Variants in DPH6 observed in about 807,000 individuals in gnomAD.
DPH6 encodes diphthine--ammonia ligase.
DPH6 carries 33 observed loss-of-function variants against 38.2 expected under a neutral mutation model. The ratio of observed to expected loss-of-function variants is 0.86; its 90% CI spans 0.65 to 1.15. The LOEUF (loss-of-function observed/expected upper bound fraction) is 1.15, where lower values mean the gene tolerates loss of function less well. DPH6 is among the 50% of genes most tolerant of loss of function. The pLI is 0.00. For missense variants in DPH6, 325 were observed against 320.0 expected (o/e 1.02, Z -0.12); for synonymous variants, 108 against 103.0 (o/e 1.05, Z -0.30).
At chr15:35,317,454 A>G (rs1048406831) in intron 3 of DPH6, among the ~76,000 whole-genome samples, 1 of 151,122 alleles carries the variant, frequency 6.6e-6, no homozygotes, top group Admixed American at 6.6e-5. Context: ...AGAGAAAAAG[A>G]AGGAAAGAAA....
At chr15:35,214,871 G>A (rs137935427), downstream of DPH6, among the ~76,000 whole-genome samples, 31 of 152,274 alleles carry the variant, frequency 2.0e-4, no homozygotes, top group East Asian at 5.4e-3. Flanking sequence ...GCCTCCCAAA[G>A]TGCTAGGATT....
At chr15:35,485,275 T>A (rs1215930158) in intron 3 of DPH6, among the ~76,000 whole-genome samples, 1 of 152,170 alleles carries the variant, frequency 6.6e-6, no homozygotes, top group Non-Finnish European at 1.5e-5. Context: ...AAATTTAGAA[T>A]GAGAAAACCT....
chr15:35,280,003 C>T (rs1204318853), intron 3 of DPH6, among the ~76,000 whole-genome samples: 1 of 152,152 alleles, frequency 6.6e-6, no homozygotes, highest in African/African-American at 2.4e-5. Context: ...CATATGAGGA[C>T]ACAGTGAGAA....
At chr15:35,166,958 AAAG>A in the DPH6 span, among the ~76,000 whole-genome samples, 9 of 152,014 alleles carry the variant, frequency 5.9e-5, no homozygotes, top group South Asian at 6.2e-4. Context: ...GGCTCTGATT[AAAG>A]AAGAAGTCAT....
chr15:35,488,764 C>T (rs543193951), intron 3 of DPH6, among the ~76,000 whole-genome samples: 17 of 151,748 alleles, frequency 1.1e-4, no homozygotes, highest in East Asian at 3.9e-4. Context: ...ATAAAAGAGA[C>T]GAAAATGATG....
chr15:35,299,229 G>C, intron 3 of DPH6: 1 of 1,202,772 alleles, frequency 8.3e-7, no homozygotes, highest in Non-Finnish European at 1.2e-6. Context: ...TGGCACATGC[G>C]GTGGTGTGTC....
At chr15:35,453,556 C>T (rs897543199) in intron 4 of DPH6, among the ~76,000 whole-genome samples, 64 of 152,162 alleles carry the variant, frequency 4.2e-4, no homozygotes, top group African/African-American at 1.4e-3. Flanking sequence ...TTGTTCTCAA[C>T]GGTAGATCTA....
rs138170788 is a variant in DPH6, at chr15:35,487,257, C to T, written c.313-32437G>A. On this transcript the variant is annotated intron_variant, in intron 3 of 8. Transcript: ENST00000256538. Reference sequence around the variant, plus strand: ...TTCTCACAGCTCCACTAGGCAGTGCCCCAGTGGGAACTCTGGGTGGGGGTT... The same window carrying T: ...TTCTCACAGCTCCACTAGGCAGTGCTCCAGTGGGAACTCTGGGTGGGGGTT... Among the ~76,000 whole-genome samples, 926 of 152,336 alleles carry T rather than the reference C, an allele frequency of 6.1e-3. 13 individuals carry two copies. The highest frequency in any genetic ancestry group is 0.021 in the African/African-American group (880 of 41,574).
chr15:35,235,182 G>C (rs905347588), intron 3 of DPH6, among the ~76,000 whole-genome samples: 4 of 152,170 alleles, frequency 2.6e-5, no homozygotes, highest in African/African-American at 9.7e-5. Flanking sequence ...GGAGCCACTT[G>C]GGCCACAAGT....
intron 3 of DPH6, among the ~76,000 whole-genome samples, chr15:35,508,755 A>G (rs555747817): frequency 1.4e-4 from 21 of 152,326 alleles, no homozygotes; most frequent in Non-Finnish European, 2.9e-4. Context: ...CATTCTGAGA[A>G]AAATAATACC....
At chr15:35,166,433 A>T in the DPH6 span, among the ~76,000 whole-genome samples, 1 of 151,914 alleles carries the variant, frequency 6.6e-6, no homozygotes, top group African/African-American at 2.4e-5. Context: ...AACTTACATT[A>T]AATAAATTTG....
downstream of DPH6, chr15:35,365,984 G>C: frequency 1.0e-6 from 1 of 985,288 alleles, no homozygotes; most frequent in Non-Finnish European, 1.2e-6. Flanking sequence ...TAAGGGCAAA[G>C]GTGGGGAGAG....
Position 35,481,213 on chromosome 15 carries a change from C to T in DPH6, c.313-26393G>A, listed in dbSNP as rs763800998. On this transcript the variant is annotated intron_variant, in intron 3 of 8. Transcript: ENST00000256538. Reference sequence around the variant, plus strand: ...TTATATACCAGTATGTGGTATACCGCATTCTACAGCAGAGCTTTAGACCCA... The same window carrying T: ...TTATATACCAGTATGTGGTATACCGTATTCTACAGCAGAGCTTTAGACCCA... 3.3e-5 allele frequency among the ~76,000 whole-genome samples: 5 copies of T among 152,120 alleles called. No homozygotes were observed. The South Asian group carries it at 8.3e-4, about 25-fold the overall frequency.
intron 7 of DPH6, among the ~76,000 whole-genome samples, chr15:35,381,369 C>T (rs2052862272): frequency 6.6e-6 from 1 of 152,052 alleles, no homozygotes; most frequent in Non-Finnish European, 1.5e-5. Flanking sequence ...AAAATAACCC[C>T]AAATAACTGA....
At chr15:35,215,164 G>A (rs902057680), downstream of DPH6, among the ~76,000 whole-genome samples, 1 of 152,162 alleles carries the variant, frequency 6.6e-6, no homozygotes, top group Non-Finnish European at 1.5e-5. Flanking sequence ...TACCAAGTGG[G>A]CAAATGCACA....
chr15:35,158,291 G>A, the DPH6 span, among the ~76,000 whole-genome samples: 4 of 151,994 alleles, frequency 2.6e-5, no homozygotes, highest in African/African-American at 9.7e-5. Context: ...TATCTTGATT[G>A]GCTATATAAG....
intron 6 of DPH6, among the ~76,000 whole-genome samples, chr15:35,405,488 A>T (rs1197140743): frequency 2.0e-5 from 3 of 151,434 alleles, no homozygotes; most frequent in Non-Finnish European, 4.4e-5. Context: ...TACTTTTTTG[A>T]TTTCTTTTTC....
At chr15:35,387,288 T>G (rs919965697) in intron 6 of DPH6, among the ~76,000 whole-genome samples, 2 of 152,180 alleles carry the variant, frequency 1.3e-5, no homozygotes, top group African/African-American at 4.8e-5. Flanking sequence ...TGTCTCCAGC[T>G]TTGTTCTATT....
At chr15:35,533,462 A>G (rs2055118235) in intron 3 of DPH6, among the ~76,000 whole-genome samples, 1 of 152,112 alleles carries the variant, frequency 6.6e-6, no homozygotes, top group Non-Finnish European at 1.5e-5. Context: ...GAAGAATACA[A>G]CTGGGAGCCA....
Sources: gnomAD v4.1 joint callset for allele counts (sites outside exome capture counted in the v4.1 genomes callset) on GRCh38, gnomAD v4.1.1 for gene constraint, MANE v1.5 for transcripts, NCBI Gene and HGNC (gene_info 2026-07-23, HGNC 2026-07-21) for gene names.